Variants in CTNND2 observed in about 807,000 individuals in gnomAD.
CTNND2 encodes the protein catenin delta 2.
CTNND2 carries 22 observed loss-of-function variants against 144.4 expected under a neutral mutation model. That is an observed-to-expected ratio of 0.15 (90% CI 0.11 to 0.22). The LOEUF is 0.22. Ranked by LOEUF, CTNND2 falls within the 10% of genes least tolerant of loss-of-function variation. CTNND2 has a pLI of 1.00. For missense variants in CTNND2, 1,353 were observed against 1,618.8 expected (o/e 0.84, Z 2.82); for synonymous variants, 751 against 695.6 (o/e 1.08, Z -1.25).
chr5:11,762,264 C>G (rs1008245886), intron 1 of CTNND2, among the ~76,000 whole-genome samples: 2 of 152,094 alleles, frequency 1.3e-5, no homozygotes, highest in Non-Finnish European at 2.9e-5. Flanking sequence ...GCCCAGACAT[C>G]TTATAAATGG....
At chr5:11,146,105 T>A (rs1309085264) in intron 12 of CTNND2, among the ~76,000 whole-genome samples, 1 of 151,742 alleles carries the variant, frequency 6.6e-6, no homozygotes, top group Non-Finnish European at 1.5e-5. Flanking sequence ...ATCCCCATGA[T>A]GCACCACAGT....
intron 12 of CTNND2, among the ~76,000 whole-genome samples, chr5:11,155,262 CAAT>C (rs1267426702): frequency 4.6e-5 from 7 of 152,176 alleles, no homozygotes; most frequent in Middle Eastern, 3.2e-3. Context: ...AAGGAAACAA[CAAT>C]GAGTGCAAAA....
At chr5:11,249,153 G>A (rs142825059) in intron 9 of CTNND2, among the ~76,000 whole-genome samples, 93 of 152,286 alleles carry the variant, frequency 6.1e-4, no homozygotes, top group African/African-American at 1.9e-3. Context: ...AAGGAAGAGC[G>A]TACTCCTTGT....
At chr5:11,631,592 G>C (rs1781417775) in intron 2 of CTNND2, among the ~76,000 whole-genome samples, 1 of 152,164 alleles carries the variant, frequency 6.6e-6, no homozygotes, top group African/African-American at 2.4e-5. Context: ...CAAGTATAGA[G>C]CTACGCAGTG....
chr5:11,441,207 A>G (rs1256573951), intron 3 of CTNND2, among the ~76,000 whole-genome samples: 2 of 152,140 alleles, frequency 1.3e-5, no homozygotes, highest in African/African-American at 4.8e-5. Flanking sequence ...TACACTCATG[A>G]TATTTTAGAA....
chr5:11,730,717 T>C (rs1451672830), intron 2 of CTNND2, among the ~76,000 whole-genome samples: 1 of 152,260 alleles, frequency 6.6e-6, no homozygotes, highest in Non-Finnish European at 1.5e-5. Flanking sequence ...GTGATGATAC[T>C]AAGCTTTTCA....
chr5:11,447,688 C>T (rs61755465), intron 3 of CTNND2, among the ~76,000 whole-genome samples: 28 of 152,168 alleles, frequency 1.8e-4, no homozygotes, highest in Admixed American at 1.4e-3. Context: ...TCCCTGAGGG[C>T]GGATGGGGGC....
In CTNND2 at chr5:11,323,607, A is replaced by C. The variant is rs183703954; in HGVS notation, c.1628+22765T>G. Among the ~76,000 whole-genome samples, 35 of 152,304 alleles carry C rather than the reference A, an allele frequency of 2.3e-4. No individual in the cohort carries two copies. The East Asian group carries it at 5.4e-3, about 24-fold the overall frequency. On this transcript the variant is annotated intron_variant, in intron 9 of 21. Coordinates refer to ENST00000304623, the MANE Select transcript of CTNND2 (RefSeq NM_001332.4). ...AGGATCCTGGGAGCAGAACAGATTC[A>C]GGGGTCTCTGTTGATGGGATATAAT...
chr5:11,647,770 C>A (rs1782436837), intron 2 of CTNND2, among the ~76,000 whole-genome samples: 1 of 152,068 alleles, frequency 6.6e-6, no homozygotes, highest in African/African-American at 2.4e-5. Context: ...CACCTTCTCA[C>A]GGGCATCCCA....
intron 18 of CTNND2, among the ~76,000 whole-genome samples, chr5:11,014,617 G>T (rs1741419974): frequency 6.6e-6 from 1 of 152,146 alleles, no homozygotes; most frequent in Non-Finnish European, 1.5e-5. Context: ...ATATGCTTTG[G>T]TTCCAAATGC....
intron 9 of CTNND2, among the ~76,000 whole-genome samples, chr5:11,292,922 G>C (rs548297192): frequency 2.6e-5 from 4 of 152,148 alleles, no homozygotes; most frequent in Admixed American, 6.5e-5. Flanking sequence ...CCAGCATCCA[G>C]AGCTGTGAGA....
chr5:11,798,086 C>T (rs1418257052), intron 1 of CTNND2, among the ~76,000 whole-genome samples: 2 of 151,126 alleles, frequency 1.3e-5, no homozygotes, highest in Admixed American at 6.6e-5. Flanking sequence ...GATGAAACCC[C>T]GTCTCTACTA....
At chr5:11,063,450 C>T (rs916111669) in intron 16 of CTNND2, among the ~76,000 whole-genome samples, 1 of 151,808 alleles carries the variant, frequency 6.6e-6, no homozygotes, top group Non-Finnish European at 1.5e-5. Flanking sequence ...AATTTAAAGC[C>T]TAATACCATA....
At chr5:11,438,491 A>T (rs1185147626) in intron 3 of CTNND2, among the ~76,000 whole-genome samples, 2 of 152,230 alleles carry the variant, frequency 1.3e-5, no homozygotes, top group Admixed American at 1.3e-4. Context: ...CCCATATTAA[A>T]AATCTGTACC....
intron 9 of CTNND2, among the ~76,000 whole-genome samples, chr5:11,287,817 A>T (rs528887162): frequency 6.6e-6 from 1 of 152,326 alleles, no homozygotes; most frequent in South Asian, 2.1e-4. Flanking sequence ...TTCCTCAATT[A>T]TAATTTGAAT....
chr5:11,684,552 T>C (rs116523381), intron 2 of CTNND2, among the ~76,000 whole-genome samples: 214 of 152,356 alleles, frequency 1.4e-3, no homozygotes, highest in African/African-American at 5.0e-3. Context: ...TTCTCCAAAC[T>C]CTATTTCTTC....
intron 2 of CTNND2, among the ~76,000 whole-genome samples, chr5:11,635,926 C>G (rs1181210548): frequency 6.6e-6 from 1 of 152,002 alleles, no homozygotes; most frequent in East Asian, 1.9e-4. Context: ...TTTTTTTCTA[C>G]TTTATATCAC....
chr5:11,693,380 G>A (rs1784997112), intron 2 of CTNND2, among the ~76,000 whole-genome samples: 1 of 152,188 alleles, frequency 6.6e-6, no homozygotes, highest in African/African-American at 2.4e-5. Context: ...GTCAACTTGG[G>A]TTTGAAACCC....
At chr5:11,163,280 T>C (rs1353013947) in intron 11 of CTNND2, among the ~76,000 whole-genome samples, 1 of 152,214 alleles carries the variant, frequency 6.6e-6, no homozygotes, top group Non-Finnish European at 1.5e-5. Flanking sequence ...CATGCCATCA[T>C]GAGGATCCTC....
Sources: gnomAD v4.1 joint callset for allele counts (sites outside exome capture counted in the v4.1 genomes callset) on GRCh38, gnomAD v4.1.1 for gene constraint, MANE v1.5 for transcripts, NCBI Gene and HGNC (gene_info 2026-07-23, HGNC 2026-07-21) for gene names.